The following ARL15 variants were observed in gnomAD, a reference collection of about 807,000 sequenced individuals.
ARL15 encodes ADP-ribosylation factor-like protein 15.
Under a neutral mutation model 25.2 loss-of-function variants are expected in ARL15, and 19 were observed. The observed-to-expected ratio is 0.75, with a 90% confidence interval of 0.53 to 1.10. ARL15 has a LOEUF of 1.10. Ranked by LOEUF, ARL15 falls within the 50% of genes least tolerant of loss-of-function variation. The pLI, the probability that ARL15 is intolerant of heterozygous loss-of-function variation, is 0.00. For missense variants in ARL15, 220 were observed against 246.0 expected (o/e 0.89, Z 0.71); for synonymous variants, 94 against 86.8 (o/e 1.08, Z -0.46).
At chr5:54,147,796 A>C (rs1579847694) in intron 3 of ARL15, among the ~76,000 whole-genome samples, 1 of 152,226 alleles carries the variant, frequency 6.6e-6, no homozygotes, top group African/African-American at 2.4e-5. Flanking sequence ...CAATGTGGCC[A>C]CAATAACCTC....
chr5:54,174,244 A>G (rs998972302), intron 1 of ARL15, among the ~76,000 whole-genome samples: 14 of 152,180 alleles, frequency 9.2e-5, no homozygotes, highest in Non-Finnish European at 2.1e-4. Flanking sequence ...AAGAAAACAT[A>G]GAGACTAACA....
At chr5:54,235,932 A>ATTATTTAAATAATTAAAAAAATTAATTAT (rs1756792574) in intron 1 of ARL15, among the ~76,000 whole-genome samples, 1 of 152,228 alleles carries the variant, frequency 6.6e-6, no homozygotes, top group African/African-American at 2.4e-5. Context: ...TACAGTTATA[A>ATTATTTAAATAATTAAAAAAATTAATTAT]TTAATTCAAA....
intron 1 of ARL15, among the ~76,000 whole-genome samples, chr5:54,192,326 C>T (rs980042858): frequency 4.0e-5 from 6 of 151,310 alleles, no homozygotes; most frequent in African/African-American, 1.5e-4. Flanking sequence ...AACTACCTTA[C>T]ATGTTTTCCC....
intron 4 of ARL15, among the ~76,000 whole-genome samples, chr5:54,046,060 C>T (rs573213956): frequency 7.9e-5 from 12 of 151,162 alleles, no homozygotes; most frequent in Non-Finnish European, 1.5e-4. Flanking sequence ...TGGTTATAAA[C>T]AGATCTGTAA....
At chr5:54,247,379 A>G (rs1202647401) in intron 1 of ARL15, among the ~76,000 whole-genome samples, 2 of 152,132 alleles carry the variant, frequency 1.3e-5, no homozygotes, top group Admixed American at 6.5e-5. Flanking sequence ...GGCTTTGGAT[A>G]AGGCTTCCCA....
intron 4 of ARL15, among the ~76,000 whole-genome samples, chr5:54,089,158 C>A (rs1289117734): frequency 6.6e-6 from 1 of 152,194 alleles, no homozygotes; most frequent in East Asian, 1.9e-4. Context: ...GCTGGCTCAG[C>A]CCACTGCAGT....
chr5:53,930,940 A>AT (rs1378922436), intron 4 of ARL15, among the ~76,000 whole-genome samples: 2 of 152,132 alleles, frequency 1.3e-5, no homozygotes, highest in East Asian at 1.9e-4. Flanking sequence ...GATTTTATTT[A>AT]TTTTTTATCT....
chr5:54,012,908 T>C (rs1045813554), intron 4 of ARL15, among the ~76,000 whole-genome samples: 1 of 151,106 alleles, frequency 6.6e-6, no homozygotes, highest in African/African-American at 2.4e-5. Context: ...CAAGCAATTC[T>C]CCTGCCTCAG....
chr5:54,080,018 G>C (rs867772415), intron 4 of ARL15, among the ~76,000 whole-genome samples: 51 of 86,662 alleles, frequency 5.9e-4, no homozygotes, highest in South Asian at 9.7e-4. Flanking sequence ...CACACACACA[G>C]ACACAGATGT....
chr5:54,159,505 T>A (rs1289692402), intron 2 of ARL15, among the ~76,000 whole-genome samples: 1 of 152,218 alleles, frequency 6.6e-6, no homozygotes, highest in East Asian at 1.9e-4. Flanking sequence ...CTTTGAGATG[T>A]CCTCTAAAAT....
intron 2 of ARL15, among the ~76,000 whole-genome samples, chr5:54,168,216 T>C (rs2112390727): frequency 6.6e-6 from 1 of 152,236 alleles, no homozygotes; most frequent in East Asian, 1.9e-4. Flanking sequence ...TTCTTCCCGC[T>C]TTCTACCCAT....
chr5:53,885,835 T>C lies in ARL15; in HGVS notation c.*726A>G, dbSNP rs1031804973. On this transcript the variant is annotated 3_prime_UTR_variant, in exon 5 of 5. Transcript: ENST00000504924. ...TATTTGAAGACTCGAATCAATCAAA[T>C]ACAGTCTGTGATGCATGCATTGTAC... 2.6e-5 allele frequency: 4 copies of C among 152,162 alleles called. No individual in the cohort carries two copies. The highest frequency in any genetic ancestry group is 9.7e-5 in the African/African-American group (4 of 41,428). The allele number at this position is 152,162 out of a possible 1,614,324, so 9.4% of individuals were successfully genotyped here.
chr5:54,234,484 T>C (rs991645144), intron 1 of ARL15, among the ~76,000 whole-genome samples: 4 of 152,182 alleles, frequency 2.6e-5, no homozygotes, highest in African/African-American at 9.7e-5. Flanking sequence ...ATCTTGCCCA[T>C]GAAGCTTCCC....
chr5:54,027,390 CT>C lies in ARL15; in HGVS notation c.462+85811del, dbSNP rs542950971. Among the ~76,000 whole-genome samples, 397 of 152,328 alleles carry C rather than the reference CT, an allele frequency of 2.6e-3. 2 individuals carry two copies. Among genetic ancestry groups the C allele is most frequent in the African/African-American group, 9.2e-3 (383 of 41,578 alleles). On this transcript the variant is annotated intron_variant, in intron 4 of 4. Coordinates refer to ENST00000504924, the MANE Select transcript of ARL15 (RefSeq NM_019087.3). Reference sequence around the variant, plus strand: ...TTCCTCTCTTTATTAATTACTTAAACTTCCATAATGAAATTCAGGTGTGATC... The same window carrying C: ...TTCCTCTCTTTATTAATTACTTAAACTCCATAATGAAATTCAGGTGTGATC...
chr5:54,237,334 T>C (rs1282680988), intron 1 of ARL15, among the ~76,000 whole-genome samples: 2 of 152,222 alleles, frequency 1.3e-5, no homozygotes, highest in African/African-American at 2.4e-5. Context: ...ACTAAACCTC[T>C]TTTTCTTTAT....
chr5:54,066,843 A>G (rs578128701), intron 4 of ARL15, among the ~76,000 whole-genome samples: 1 of 152,324 alleles, frequency 6.6e-6, no homozygotes, highest in East Asian at 1.9e-4. Context: ...AAAAATATAA[A>G]AAAATTATTA....
At chr5:54,199,586 A>T (rs1167683306) in intron 1 of ARL15, among the ~76,000 whole-genome samples, 1 of 151,630 alleles carries the variant, frequency 6.6e-6, no homozygotes, top group African/African-American at 2.4e-5. Flanking sequence ...AATCAAAACC[A>T]CAATGAGATA....
intron 4 of ARL15, among the ~76,000 whole-genome samples, chr5:53,922,905 G>A (rs1745901059): frequency 6.6e-6 from 1 of 152,160 alleles, no homozygotes; most frequent in Admixed American, 6.5e-5. Flanking sequence ...TTCAAGTAGA[G>A]CAGCACTCCA....
chr5:54,083,814 G>A (rs959432049), intron 4 of ARL15, among the ~76,000 whole-genome samples: 2 of 152,090 alleles, frequency 1.3e-5, no homozygotes, highest in Non-Finnish European at 2.9e-5. Flanking sequence ...TTTAATCTGG[G>A]AGTTTTTGTT....
Sources: gnomAD v4.1 joint callset for allele counts (sites outside exome capture counted in the v4.1 genomes callset) on GRCh38, gnomAD v4.1.1 for gene constraint, MANE v1.5 for transcripts, NCBI Gene and HGNC (gene_info 2026-07-23, HGNC 2026-07-21) for gene names.